COL12A1: variants seen among roughly 807,000 people sequenced by gnomAD.
COL12A1 encodes the protein collagen type XII alpha 1 chain, also known as collagen alpha-1(XII) chain.
A neutral mutation model predicts 349.7 loss-of-function variants in COL12A1; 114 were observed. The ratio of observed to expected loss-of-function variants is 0.33; its 90% confidence interval spans 0.28 to 0.38. The LOEUF (loss-of-function observed/expected upper bound fraction) is 0.38. Among genes scored for constraint, COL12A1 ranks in the 10% least tolerant of loss-of-function variants. The pLI, the probability that COL12A1 is intolerant of heterozygous loss-of-function variation, is 1.00. For synonymous variants in COL12A1, 1,369 were observed against 1,329.0 expected, an observed-to-expected ratio of 1.03 and a Z score of -0.66; for missense variants, 3,284 against 3,756.9, an observed-to-expected ratio of 0.87 and a Z score of 3.29.
In COL12A1 at chr6:75,145,349, G is replaced by A. The variant is rs1230001437; in HGVS notation, c.4667C>T (p.Pro1556Leu). The A allele has an allele frequency of 8.7e-6, 14 of 1,611,688 alleles. No homozygotes were observed. The highest frequency in any genetic ancestry group is 1.2e-5 in the Non-Finnish European group (14 of 1,178,330). ...ACAGGTGACTTCCCGAACAGTGACA[G>A]GTTCACTAGTGAGGTCGTGCAGGAC... ...QAVLHDLTSEPVTVREVTLPL... is the reference protein window; with the variant it reads ...QAVLHDLTSELVTVREVTLPL... Residue 1556 changes from proline (P) to leucine (L), a missense_variant, in exon 25 of 66, where the codon CCT becomes CTT. Pro to Leu is a moderately conservative substitution (Grantham distance 98). Coordinates refer to ENST00000322507, the MANE Select transcript of COL12A1 (RefSeq NM_004370.6).
Position 75,084,520 on chromosome 6 carries a change from A to G in COL12A1, c.*2027T>C, listed in dbSNP as rs1457766847. The G allele has an allele frequency of 6.5e-6, 1 of 152,674 alleles. No homozygotes were observed. The highest frequency in any genetic ancestry group is 2.4e-5 in the African/African-American group (1 of 41,472). The allele number at this position is 152,674 out of a possible 1,614,324, so 9.5% of individuals were successfully genotyped here. ...GAAAAAAGTTCATACTAAATATACA[A>G]CACAAACATGCAATTCCCTCTCTGC... On this transcript the variant is annotated 3_prime_UTR_variant, in exon 66 of 66. Coordinates refer to ENST00000322507, the MANE Select transcript of COL12A1 (RefSeq NM_004370.6).
chr6:75,114,549 C>T (rs1768984483), intron 49 of COL12A1, among the ~76,000 whole-genome samples: 1 of 151,904 alleles, frequency 6.6e-6, no homozygotes. Flanking sequence ...AACACTTTCT[C>T]CCTGAAGGTA....
At chr6:75,188,212 T>C (rs1004742288) in intron 8 of COL12A1, 150 bp downstream of exon 8, 7 of 752,866 alleles carry the variant, frequency 9.3e-6, no homozygotes, top group Non-Finnish European at 1.4e-5. Context: ...TATCAACAAG[T>C]TGAGTTGCTA....
intron 14 of COL12A1, among the ~76,000 whole-genome samples, chr6:75,162,370 T>A (rs899313703): frequency 6.6e-6 from 1 of 152,262 alleles, no homozygotes; most frequent in South Asian, 2.1e-4. Context: ...TCTATAACCA[T>A]CTGATCTTTG....
chr6:75,144,884 C>T (rs1053787433), intron 25 of COL12A1, among the ~76,000 whole-genome samples: 1 of 152,218 alleles, frequency 6.6e-6, no homozygotes, highest in Admixed American at 6.5e-5. Context: ...GTTTCTACAT[C>T]AACAAGAACT....
intron 4 of COL12A1, 107 bp downstream of exon 4, chr6:75,192,105 G>GTACT: frequency 1.2e-6 from 1 of 851,628 alleles, no homozygotes; most frequent in South Asian, 2.4e-5. Context: ...AAAATAGTTA[G>GTACT]TACTGCTGTA....
In COL12A1 at chr6:75,181,099, T is replaced by A; in HGVS notation, c.2004A>T (p.Glu668Asp). 6.2e-7 allele frequency: 1 copy of A among 1,614,074 alleles called. No homozygotes were observed. The highest frequency in any genetic ancestry group is 8.5e-7 in the Non-Finnish European group (1 of 1,180,006). The change falls in exon 11 of 66, where the codon GAA becomes GAT. Residue 668 changes from glutamate (E) to aspartate (D), a missense_variant. Glu to Asp is a conservative substitution (Grantham distance 45). Coordinates refer to ENST00000322507, the MANE Select transcript of COL12A1 (RefSeq NM_004370.6). ...CAGTGACCTCATCATCCCCAGCCGC[T>A]TCCTTGTAGGTGATGTGATATGAAA... is the stretch of plus-strand genomic sequence containing the variant. ...NVFSYHITYK[E>D]AAGDDEVTVV...
At position 75,189,557 on chromosome 6, in the gene COL12A1, A is replaced by C. The variant is rs756215547; in HGVS notation, c.653T>G (p.Met218Arg). 6.2e-7 allele frequency: 1 copy of C among 1,611,966 alleles called. No individual in the cohort carries two copies. Among genetic ancestry groups the C allele is most frequent in the Non-Finnish European group, 8.5e-7 (1 of 1,178,984 alleles). The stretch of plus-strand genomic sequence containing the variant: ...AAAAAATCTGTAGAACATACCTGTC[A>C]TTGTGTTGCCACCTTTATATGGAAT... ...KKIPYKGGNT[M>R]TGDAIDYLVK... The change falls in exon 6 of 66, where the codon ATG becomes AGG. Residue 218 changes from methionine to arginine, a missense_variant. Coordinates refer to ENST00000322507, the MANE Select transcript of COL12A1 (RefSeq NM_004370.6).
At position 75,125,146 on chromosome 6, in the gene COL12A1, C is replaced by A; in HGVS notation, c.6588G>T (p.Leu2196Phe). 1 of 1,610,464 alleles carries A rather than the reference C, an allele frequency of 6.2e-7. No homozygotes were observed. Among genetic ancestry groups the A allele is most frequent in the Non-Finnish European group, 8.5e-7 (1 of 1,178,162 alleles). ...ACTCACATGTAGTGCCTTGATCTGT[C>A]AAGGGGACACTGAGTCCAGAATCAT... is the stretch of plus-strand genomic sequence containing the variant. ...AQYDSGLSVP[L>F]TDQGTTLYLN... The change falls in exon 40 of 66, where the codon TTG becomes TTT. Residue 2196 changes from leucine (L) to phenylalanine (F), a missense_variant. Coordinates refer to ENST00000322507, the MANE Select transcript of COL12A1 (RefSeq NM_004370.6).
At position 75,137,427 on chromosome 6, in the gene COL12A1, A is replaced by G; in HGVS notation, c.5394+10T>C. 6.4e-7 allele frequency: 1 copy of G among 1,558,306 alleles called. No individual in the cohort carries two copies. The highest frequency in any genetic ancestry group is 8.7e-7 in the Non-Finnish European group (1 of 1,155,150). ...ATTAATCCAAGTTATAATTTTTATT[A>G]AAAAATTACCGTTTGCTCATTGCCT... is the stretch of plus-strand genomic sequence containing the variant. On this transcript the variant is annotated intron_variant, in intron 31 of 65. Transcript: ENST00000322507.
intron 32 of COL12A1, among the ~76,000 whole-genome samples, chr6:75,134,272 TA>T (rs902139276): frequency 4.6e-5 from 7 of 152,098 alleles, no homozygotes; most frequent in Non-Finnish European, 7.4e-5. Flanking sequence ...GCAAGGATGT[TA>T]AAAACGATCA....
chr6:75,197,954 A>G (rs147271532), intron 2 of COL12A1, among the ~76,000 whole-genome samples: 1 of 152,320 alleles, frequency 6.6e-6, no homozygotes, highest in East Asian at 1.9e-4. Context: ...GTTCTCTATA[A>G]CAGGCAGAGA....
intron 59 of COL12A1, among the ~76,000 whole-genome samples, chr6:75,096,752 C>T (rs891219799): frequency 2.0e-5 from 3 of 151,900 alleles, no homozygotes; most frequent in Admixed American, 1.3e-4. Flanking sequence ...AAAAATTAGC[C>T]GGGCGTAGTG....
At chr6:75,162,822 T>C (rs916537235) in intron 14 of COL12A1, among the ~76,000 whole-genome samples, 2 of 151,790 alleles carry the variant, frequency 1.3e-5, no homozygotes, top group Admixed American at 1.3e-4. Flanking sequence ...CAAGAAAATA[T>C]CAAACAACCC....
In COL12A1 at chr6:75,152,111, G is replaced by C; in HGVS notation, c.3835+20C>G. The stretch of plus-strand genomic sequence containing the variant: ...AACCAGAAGCATGAGCTGAAAGACT[G>C]TCAGACAGTCCTTACTCACCTGTGA... On this transcript the variant is annotated intron_variant, in intron 19 of 65. Coordinates refer to ENST00000322507, the MANE Select transcript of COL12A1 (RefSeq NM_004370.6). 1 of 1,613,788 alleles carries C rather than the reference G, an allele frequency of 6.2e-7. No homozygotes were observed. The highest frequency in any genetic ancestry group is 2.2e-5 in the East Asian group (1 of 44,866).
intron 5 of COL12A1, 111 bp downstream of exon 5, chr6:75,191,590 A>G: frequency 1.7e-6 from 1 of 588,268 alleles, no homozygotes; most frequent in Non-Finnish European, 2.8e-6. Context: ...TAAAGCTTAT[A>G]TAAATTAATA....
Position 75,103,799 on chromosome 6 carries a change from A to T in COL12A1, c.8277T>A (p.Gly2759=), listed in dbSNP as rs187901672. The change falls in exon 55 of 66, where the codon GGT becomes GGA. Residue 2759 remains glycine, a synonymous_variant. Coordinates refer to ENST00000322507, the MANE Select transcript of COL12A1 (RefSeq NM_004370.6). ...CTCTTTCACCTCTGGGACCTTTAGC[A>T]CCAGGTCCTCCCTAAAATACATAGA... is the stretch of plus-strand genomic sequence containing the variant. The part of the protein sequence containing the change: ...PGPPGPAGGP[G]AKGPRGERGI... 6.2e-6 allele frequency: 10 copies of T among 1,613,258 alleles called. No homozygotes were observed. The Admixed American group carries it at 1.5e-4, about 24-fold the overall frequency.
At chr6:75,143,989 G>T (rs762562824) in intron 25 of COL12A1, among the ~76,000 whole-genome samples, 2 of 152,188 alleles carry the variant, frequency 1.3e-5, no homozygotes, top group African/African-American at 2.4e-5. Flanking sequence ...TGTAATATGA[G>T]ATGTATTTCA....
At chr6:75,101,761 G>T in intron 57 of COL12A1, 108 bp from the exon 58 acceptor site, 1 of 1,258,452 alleles carries the variant, frequency 7.9e-7, no homozygotes, top group Non-Finnish European at 1.1e-6. Context: ...ACTCTGAATA[G>T]AAACAGGAGA....
Sources: gnomAD v4.1 joint callset for allele counts (sites outside exome capture counted in the v4.1 genomes callset) on GRCh38, gnomAD v4.1.1 for gene constraint, MANE v1.5 for transcripts, NCBI Gene and HGNC (gene_info 2026-07-23, HGNC 2026-07-21) for gene names.